Variants in PAPOLA observed in about 807,000 individuals in gnomAD.
The protein encoded by PAPOLA is polynucleotide adenylyltransferase alpha.
In PAPOLA, 15 loss-of-function variants were observed where a neutral mutation model predicts 100.6. The observed-to-expected ratio is 0.15, with a 90% CI of 0.10 to 0.23. The LOEUF is 0.23. PAPOLA is among the 10% of genes least tolerant of loss of function. The probability of loss-of-function intolerance (pLI) is 1.00; values close to 1 mark genes in which losing one functional copy is unlikely to be tolerated. For synonymous variants in PAPOLA, 293 were observed against 300.0 expected (o/e 0.98, Z 0.24); for missense variants, 533 against 884.2 (o/e 0.60, Z 5.04).
intron 1 of PAPOLA, among the ~76,000 whole-genome samples, chr14:96,515,985 A>G (rs1215601404): frequency 1.3e-5 from 2 of 152,180 alleles, no homozygotes; most frequent in East Asian, 3.9e-4. Flanking sequence ...AAGGCAGAAG[A>G]ATCCTTAATC....
intron 19 of PAPOLA, among the ~76,000 whole-genome samples, chr14:96,559,573 CTCTCTCTCTATA>C (rs1566868150): frequency 1.7e-5 from 2 of 116,636 alleles, no homozygotes; most frequent in South Asian, 3.1e-4. Flanking sequence ...CTCTCTCTCT[CTCTCTCTCTATA>C]TATATATATA....
At chr14:96,538,483 G>GT (rs1376644915) in intron 12 of PAPOLA, among the ~76,000 whole-genome samples, 1 of 151,904 alleles carries the variant, frequency 6.6e-6, no homozygotes, top group African/African-American at 2.4e-5. Flanking sequence ...GATAGTACCT[G>GT]TAAGTTCTTT....
chr14:96,510,747 G>A (rs1259061592), intron 1 of PAPOLA, among the ~76,000 whole-genome samples: 1 of 152,126 alleles, frequency 6.6e-6, no homozygotes, highest in African/African-American at 2.4e-5. Flanking sequence ...GAATATAGTG[G>A]GATCTAAATA....
rs56296574 is a variant in PAPOLA at position 96,527,057 on chromosome 14, A to G, written c.332-373A>G. On this transcript the variant is annotated intron_variant, in intron 4 of 21. Transcript: ENST00000216277. ...CTGGTAGAGAACCTATAAGCACCAA[A>G]TACGTAGTACATAGAGGAAAACTAT... The G allele has an allele frequency of 8.0e-3, 1,379 of 171,506 alleles. 27 individuals are homozygous for G. The highest frequency in any genetic ancestry group is 0.031 in the African/African-American group (1,293 of 41,888). The allele number at this position is 171,506 out of a possible 1,614,324, so 10.6% of individuals were successfully genotyped here.
At chr14:96,564,740 A>G (rs1449241022) in intron 21 of PAPOLA, among the ~76,000 whole-genome samples, 2 of 152,080 alleles carry the variant, frequency 1.3e-5, no homozygotes, top group Non-Finnish European at 2.9e-5. Flanking sequence ...ATTAAAATAT[A>G]CCTATTTGAA....
chr14:96,559,581 C>CTCTCTCTCTCTCTCTCTCTA (rs370979875), intron 19 of PAPOLA, among the ~76,000 whole-genome samples: 1 of 120,182 alleles, frequency 8.3e-6, no homozygotes, highest in Non-Finnish European at 1.7e-5. Context: ...CTCTCTCTCT[C>CTCTCTCTCTCTCTCTCTCTA]TATATATATA....
At chr14:96,562,976 G>T in intron 21 of PAPOLA, 83 bp downstream of exon 21, 1 of 778,242 alleles carries the variant, frequency 1.3e-6, no homozygotes, top group Non-Finnish European at 2.2e-6. Context: ...AGAGTTCATA[G>T]AAGACTATTA....
chr14:96,511,982 C>G (rs1470712290), intron 1 of PAPOLA, among the ~76,000 whole-genome samples: 1 of 152,116 alleles, frequency 6.6e-6, no homozygotes, highest in African/African-American at 2.4e-5. Flanking sequence ...GAGTTTTTAG[C>G]TAATAACCAA....
At chr14:96,528,401 T>C (rs940839768) in intron 6 of PAPOLA, among the ~76,000 whole-genome samples, 1 of 152,238 alleles carries the variant, frequency 6.6e-6, no homozygotes, top group African/African-American at 2.4e-5. Flanking sequence ...CTGAAATATC[T>C]TCCGATAGGG....
At chr14:96,551,850 G>A (rs768760020) in intron 16 of PAPOLA, among the ~76,000 whole-genome samples, 1 of 152,102 alleles carries the variant, frequency 6.6e-6, no homozygotes, top group Non-Finnish European at 1.5e-5. Flanking sequence ...TTAGTTTTCA[G>A]AAAGTTATTT....
chr14:96,512,750 T>G (rs1373761481), intron 1 of PAPOLA, among the ~76,000 whole-genome samples: 19 of 152,260 alleles, frequency 1.2e-4, no homozygotes, highest in Admixed American at 1.2e-3. Flanking sequence ...AGTTCTTTAC[T>G]GATGGATATT....
At chr14:96,529,982 A>G (rs1421239263) in intron 6 of PAPOLA, among the ~76,000 whole-genome samples, 1 of 152,230 alleles carries the variant, frequency 6.6e-6, no homozygotes, top group Non-Finnish European at 1.5e-5. Flanking sequence ...TCAGTTGGAA[A>G]AACATACTGT....
chr14:96,510,496 C>A (rs542310049), intron 1 of PAPOLA, among the ~76,000 whole-genome samples: 1 of 151,240 alleles, frequency 6.6e-6, no homozygotes, highest in South Asian at 2.1e-4. Flanking sequence ...TGCGCTTGTG[C>A]GCAAAGGGGC....
intron 9 of PAPOLA, 154 bp downstream of exon 9, chr14:96,532,803 G>A: frequency 1.4e-5 from 19 of 1,337,118 alleles, no homozygotes; most frequent in Non-Finnish European, 1.7e-5. Flanking sequence ...GTATAAAATG[G>A]CAAACTGAAA....
At chr14:96,542,221 C>T in intron 12 of PAPOLA, 22 bp from the exon 13 acceptor site, 1 of 1,474,146 alleles carries the variant, frequency 6.8e-7, no homozygotes, top group Non-Finnish European at 9.4e-7. Flanking sequence ...AAATAAATAG[C>T]ATGTTGTCTT....
intron 14 of PAPOLA, 55 bp downstream of exon 14, chr14:96,542,948 A>C: frequency 6.3e-7 from 1 of 1,585,312 alleles, no homozygotes; most frequent in Non-Finnish European, 8.6e-7. Flanking sequence ...TTATTCATAG[A>C]AGCTTTTACA....
Position 96,520,059 on chromosome 14 carries a change from G to A in PAPOLA, c.13G>A (p.Val5Ile). Residue 5 changes from valine (V) to isoleucine (I), a missense_variant, in exon 2 of 22, where the codon GTT becomes ATT. Physicochemically the swap from Val to Ile is conservative, Grantham distance 29. Around this residue, in one of 9 missense-constraint regions of PAPOLA, gnomAD observed 48 missense variants for 52.3 expected, o/e 0.92. Transcript: ENST00000216277. MPFPVTTQGSQQTQP... is the reference protein window; with the variant it reads MPFPITTQGSQQTQP... ...TGTATCCAATTTTGTTTATAGTCCA[G>A]TTACAACACAGGGATCACAACAAAC... The A allele has an allele frequency of 6.2e-7, 1 of 1,604,960 alleles. No individual in the cohort carries two copies. Among genetic ancestry groups the A allele is most frequent in the Non-Finnish European group, 8.5e-7 (1 of 1,176,876 alleles).
chr14:96,542,541 T>C (rs1056897796), intron 13 of PAPOLA: 15 of 546,502 alleles, frequency 2.7e-5, no homozygotes, highest in Admixed American at 1.5e-4. Context: ...AGTGCACTTA[T>C]AGCTTGTTTT....
chr14:96,534,729 G>C, intron 10 of PAPOLA, 166 bp downstream of exon 10: 1 of 1,433,682 alleles, frequency 7.0e-7, no homozygotes, highest in Non-Finnish European at 9.1e-7. Flanking sequence ...AACTATAATT[G>C]ATGTGAGAAG....
Sources: gnomAD v4.1 joint callset for allele counts (sites outside exome capture counted in the v4.1 genomes callset) on GRCh38, gnomAD v4.1.1 for gene constraint, gnomAD v4.1.1 regional missense constraint, MANE v1.5 for transcripts, NCBI Gene and HGNC (gene_info 2026-07-23, HGNC 2026-07-21) for gene names.